The following CAPN13 variants were observed in gnomAD, a reference collection of about 807,000 sequenced individuals.
The protein encoded by CAPN13 is calpain-13.
A neutral mutation model predicts 98.4 loss-of-function variants in CAPN13; 90 were observed. That is an observed-to-expected ratio of 0.92 (90% confidence interval 0.77 to 1.09). CAPN13 has a LOEUF of 1.09. Among genes scored for constraint, CAPN13 ranks in the 50% least tolerant of loss-of-function variants. The pLI, the probability that CAPN13 is intolerant of heterozygous loss-of-function variation, is 0.00. For missense variants in CAPN13, 887 were observed against 841.3 expected (o/e 1.05, Z -0.67); for synonymous variants, 330 against 305.5 (o/e 1.08, Z -0.84).
intron 1 of CAPN13, among the ~76,000 whole-genome samples, chr2:30,804,238 T>A (rs1675467747): frequency 6.6e-6 from 1 of 152,200 alleles, no homozygotes; most frequent in African/African-American, 2.4e-5. Flanking sequence ...TCTCACTCTG[T>A]CAGCAAGGCT....
chr2:30,758,168 G>T, intron 7 of CAPN13, 31 bp from the exon 8 acceptor site: 1 of 1,515,828 alleles, frequency 6.6e-7, no homozygotes. Context: ...GAAACTCAGT[G>T]CTCTACAGCA....
intron 22 of CAPN13, among the ~76,000 whole-genome samples, chr2:30,727,562 T>C (rs1047820848): frequency 6.6e-6 from 1 of 152,078 alleles, no homozygotes; most frequent in African/African-American, 2.4e-5. Context: ...GAAAAGATGC[T>C]CAAAATCATT....
chr2:30,780,921 C>T (rs527580550), intron 2 of CAPN13, among the ~76,000 whole-genome samples: 1 of 152,312 alleles, frequency 6.6e-6, no homozygotes, highest in East Asian at 1.9e-4. Context: ...GGAAGGCCAC[C>T]TGTTACCAGA....
chr2:30,791,017 G>A (rs984484622), intron 1 of CAPN13, among the ~76,000 whole-genome samples: 57 of 151,994 alleles, frequency 3.8e-4, no homozygotes, highest in Admixed American at 9.8e-4. Flanking sequence ...TGGGGGTTAG[G>A]GTTTCATATG....
intron 4 of CAPN13, among the ~76,000 whole-genome samples, chr2:30,771,005 C>T (rs545076511): frequency 4.5e-4 from 69 of 152,286 alleles, no homozygotes; most frequent in Non-Finnish European, 8.7e-4. Context: ...GAGGACCGAG[C>T]AGTGACAGCC....
chr2:30,757,317 C>T (rs1672504670), intron 8 of CAPN13, among the ~76,000 whole-genome samples: 1 of 152,192 alleles, frequency 6.6e-6, no homozygotes, highest in South Asian at 2.1e-4. Context: ...GGGCTGGGGG[C>T]CTAGGGGTCC....
intron 11 of CAPN13, among the ~76,000 whole-genome samples, chr2:30,750,615 A>G (rs1351373759): frequency 6.6e-6 from 1 of 152,182 alleles, no homozygotes; most frequent in Middle Eastern, 3.2e-3. Context: ...CTGGATTTAT[A>G]CTCAGAATAG....
At position 30,802,463 on chromosome 2, in the gene CAPN13, A is replaced by ATGTGTGTG. The variant is rs60572949; in HGVS notation, c.-33+4831_-33+4838dup. Among the ~76,000 whole-genome samples, 1,068 of 140,188 alleles carry ATGTGTGTG rather than the reference A, an allele frequency of 7.6e-3. 11 individuals carry two copies. The highest frequency in any genetic ancestry group is 0.027 in the African/African-American group (1,011 of 37,786). 92.0% of individuals were successfully genotyped at this position (140,188 alleles called of 152,430 possible). On this transcript the variant is annotated intron_variant, in intron 1 of 22. Transcript: ENST00000295055. ...AGGAGCTTAGAATGTGTGTGTGTGT[A>ATGTGTGTG]TGTGTGTGTGTGTGTGTGTGTGTGT...
intron 1 of CAPN13, among the ~76,000 whole-genome samples, chr2:30,803,931 T>G (rs1325998947): frequency 6.6e-6 from 1 of 152,200 alleles, no homozygotes; most frequent in East Asian, 1.9e-4. Context: ...GGCTGAGCTT[T>G]CCTGGTTGTT....
At chr2:30,773,659 C>G (rs796874174) in intron 4 of CAPN13, among the ~76,000 whole-genome samples, 2 of 152,102 alleles carry the variant, frequency 1.3e-5, no homozygotes, top group Non-Finnish European at 2.9e-5. Flanking sequence ...ATAGCAAGAT[C>G]GTAAACCTCT....
intron 2 of CAPN13, among the ~76,000 whole-genome samples, chr2:30,783,819 TCAGACCTCTGGA>T (rs1264448575): frequency 1.3e-5 from 2 of 152,186 alleles, no homozygotes; most frequent in African/African-American, 4.8e-5. Context: ...GGGCCACTGG[TCAGACCTCTGGA>T]CAGGCACTCA....
chr2:30,778,647 C>A (rs1673826276), intron 2 of CAPN13, among the ~76,000 whole-genome samples: 2 of 152,218 alleles, frequency 1.3e-5, no homozygotes, highest in Non-Finnish European at 2.9e-5. Flanking sequence ...GCCAGCTCTT[C>A]ATAAACTGCC....
intron 1 of CAPN13, among the ~76,000 whole-genome samples, chr2:30,793,771 A>T (rs554730059): frequency 6.6e-6 from 1 of 151,892 alleles, no homozygotes; most frequent in African/African-American, 2.4e-5. Flanking sequence ...AGAATAAATC[A>T]ACACATATAT....
chr2:30,731,249 G>A (rs893187058), intron 21 of CAPN13, 95 bp downstream of exon 21: 60 of 1,161,486 alleles, frequency 5.2e-5, no homozygotes, highest in South Asian at 1.3e-4. Context: ...TTGACAGACC[G>A]TTCAATATCC....
chr2:30,771,455 G>C (rs1236326850), intron 4 of CAPN13, among the ~76,000 whole-genome samples: 1 of 152,248 alleles, frequency 6.6e-6, no homozygotes, highest in Non-Finnish European at 1.5e-5. Context: ...AGATATGTCA[G>C]TGGAGACAAA....
At chr2:30,755,133 A>C (rs1672378438) in intron 8 of CAPN13, among the ~76,000 whole-genome samples, 1 of 145,940 alleles carries the variant, frequency 6.9e-6, no homozygotes, top group African/African-American at 2.5e-5. Context: ...CCACCCCCCC[A>C]AGCCCAACTT....
At chr2:30,803,173 A>C (rs969686103) in intron 1 of CAPN13, among the ~76,000 whole-genome samples, 2 of 152,220 alleles carry the variant, frequency 1.3e-5, no homozygotes, top group African/African-American at 2.4e-5. Context: ...GTTAAGGATT[A>C]GAGTGGGGAG....
At chr2:30,725,495 A>C (rs979930506) in intron 22 of CAPN13, among the ~76,000 whole-genome samples, 1 of 152,222 alleles carries the variant, frequency 6.6e-6, no homozygotes, top group Non-Finnish European at 1.5e-5. Flanking sequence ...CCAAGGGCAG[A>C]TAAAAGACCT....
chr2:30,803,629 C>T (rs1237891117), intron 1 of CAPN13, among the ~76,000 whole-genome samples: 7 of 152,192 alleles, frequency 4.6e-5, no homozygotes, highest in Non-Finnish European at 8.8e-5. Flanking sequence ...AGAGGCAGCT[C>T]GTCACCCCAG....
Sources: gnomAD v4.1 joint callset for allele counts (sites outside exome capture counted in the v4.1 genomes callset) on GRCh38, gnomAD v4.1.1 for gene constraint, MANE v1.5 for transcripts, NCBI Gene and HGNC (gene_info 2026-07-23, HGNC 2026-07-21) for gene names.